The following LRRTM4 variants were observed in gnomAD, a reference collection of about 807,000 sequenced individuals.
LRRTM4 encodes the protein leucine rich repeat transmembrane neuronal 4, also known as leucine-rich repeat transmembrane neuronal protein 4.
A neutral mutation model predicts 47.6 loss-of-function variants in LRRTM4; 25 were observed. The ratio of observed to expected loss-of-function variants is 0.53; its 90% CI spans 0.38 to 0.73. The LOEUF (loss-of-function observed/expected upper bound fraction) is 0.73, where lower values mean the gene tolerates loss of function less well. Among genes scored for constraint, LRRTM4 ranks in the 30% least tolerant of loss-of-function variants. LRRTM4 has a pLI of 0.00. For synonymous variants in LRRTM4, 311 were observed against 269.5 expected, an observed-to-expected ratio of 1.15 and a Z score of -1.51; for missense variants, 638 against 713.4, an observed-to-expected ratio of 0.89 and a Z score of 1.20.
At chr2:77,347,144 A>T (rs1179412435) in intron 3 of LRRTM4, among the ~76,000 whole-genome samples, 6 of 152,168 alleles carry the variant, frequency 3.9e-5, no homozygotes, top group African/African-American at 1.4e-4. Flanking sequence ...TTGACAAAAG[A>T]CCGTAACTCC....
chr2:77,017,042 T>C (rs1287215774), intron 3 of LRRTM4, among the ~76,000 whole-genome samples: 2 of 152,166 alleles, frequency 1.3e-5, no homozygotes, highest in Non-Finnish European at 2.9e-5. Context: ...TTGGGTGTTA[T>C]TCATTTTAAA....
intron 3 of LRRTM4, among the ~76,000 whole-genome samples, chr2:77,289,392 CAT>C (rs1430807068): frequency 2.0e-5 from 3 of 152,042 alleles, no homozygotes; most frequent in African/African-American, 4.8e-5. Flanking sequence ...TCATTAACTA[CAT>C]GTTTATACTT....
At chr2:77,445,590 G>A (rs774463821) in intron 3 of LRRTM4, among the ~76,000 whole-genome samples, 4 of 151,892 alleles carry the variant, frequency 2.6e-5, no homozygotes, top group Non-Finnish European at 5.9e-5. Flanking sequence ...CCTTTACTAA[G>A]CATCAATGAA....
intron 3 of LRRTM4, among the ~76,000 whole-genome samples, chr2:76,933,212 T>C (rs375634954): frequency 3.3e-5 from 5 of 152,104 alleles, no homozygotes; most frequent in African/African-American, 1.2e-4. Context: ...AAAAAATAAA[T>C]GAGTAATCAA....
At chr2:77,164,064 C>G (rs1465747471) in intron 3 of LRRTM4, among the ~76,000 whole-genome samples, 1 of 152,108 alleles carries the variant, frequency 6.6e-6, no homozygotes, top group Non-Finnish European at 1.5e-5. Context: ...TCAGGAGACC[C>G]ATCTCACATG....
chr2:77,179,378 C>T (rs1475012894), intron 3 of LRRTM4, among the ~76,000 whole-genome samples: 1 of 152,160 alleles, frequency 6.6e-6, no homozygotes, highest in Admixed American at 6.6e-5. Flanking sequence ...AATAAATGTA[C>T]TTACAGATGT....
chr2:77,047,695 T>C (rs1679280635), intron 3 of LRRTM4, among the ~76,000 whole-genome samples: 1 of 152,052 alleles, frequency 6.6e-6, no homozygotes, highest in East Asian at 1.9e-4. Flanking sequence ...TATCTTAACA[T>C]ATTACATCGG....
intron 3 of LRRTM4, among the ~76,000 whole-genome samples, chr2:77,216,406 C>T (rs1674440983): frequency 6.6e-6 from 1 of 152,140 alleles, no homozygotes; most frequent in South Asian, 2.1e-4. Flanking sequence ...GTAGCTCACG[C>T]CTGTAATCCC....
At chr2:77,115,333 T>C (rs78344250) in intron 3 of LRRTM4, among the ~76,000 whole-genome samples, 2 of 152,170 alleles carry the variant, frequency 1.3e-5, no homozygotes, top group Non-Finnish European at 2.9e-5. Flanking sequence ...TGGTTTCATA[T>C]TGTTCAAACA....
chr2:76,818,899 A>T (rs1050212671), intron 3 of LRRTM4, among the ~76,000 whole-genome samples: 1 of 151,806 alleles, frequency 6.6e-6, no homozygotes, highest in Non-Finnish European at 1.5e-5. Flanking sequence ...TAGTAAAACC[A>T]GTTTGATTAG....
At chr2:77,387,277 T>C (rs1483153877) in intron 3 of LRRTM4, among the ~76,000 whole-genome samples, 2 of 152,154 alleles carry the variant, frequency 1.3e-5, no homozygotes, top group African/African-American at 4.8e-5. Flanking sequence ...CATACTGATA[T>C]ATATAAGCTT....
chr2:76,820,990 T>C (rs945954906), intron 3 of LRRTM4, among the ~76,000 whole-genome samples: 4 of 151,746 alleles, frequency 2.6e-5, no homozygotes, highest in African/African-American at 9.7e-5. Context: ...AAACTGGTTA[T>C]ATGTTCTGAT....
chr2:77,263,413 C>A (rs554499629), intron 3 of LRRTM4, among the ~76,000 whole-genome samples: 3 of 152,216 alleles, frequency 2.0e-5, no homozygotes, highest in African/African-American at 7.2e-5. Context: ...CCAAGTTGGA[C>A]AGATGTTGTG....
At chr2:77,070,223 C>G (rs2103824864) in intron 3 of LRRTM4, among the ~76,000 whole-genome samples, 1 of 151,890 alleles carries the variant, frequency 6.6e-6, no homozygotes, top group East Asian at 1.9e-4. Flanking sequence ...CTTACAGAGG[C>G]TCAGTCATTT....
chr2:77,311,671 A>G (rs1460180844), intron 3 of LRRTM4, among the ~76,000 whole-genome samples: 7 of 152,198 alleles, frequency 4.6e-5, no homozygotes, highest in Non-Finnish European at 8.8e-5. Context: ...TGCTGATCTG[A>G]AAGCCCATAG....
chr2:77,257,717 A>AACAC lies in LRRTM4; in HGVS notation c.1551+260597_1551+260600dup, dbSNP rs57315997. On this transcript the variant is annotated intron_variant, in intron 3 of 3. Coordinates refer to ENST00000409884, the MANE Select transcript of LRRTM4 (RefSeq NM_001134745.3). Reference sequence around the variant, plus strand: ...AAATTTATAACAAACTTAAAAATACAACACACACACACACACACACACACA... The same window carrying AACAC: ...AAATTTATAACAAACTTAAAAATACAACACACACACACACACACACACACACACA... Among the ~76,000 whole-genome samples, 329 of 146,900 alleles carry AACAC rather than the reference A, an allele frequency of 2.2e-3. 2 individuals carry two copies. Among genetic ancestry groups the AACAC allele is most frequent in the African/African-American group, 3.7e-3 (148 of 40,384 alleles).
intron 3 of LRRTM4, among the ~76,000 whole-genome samples, chr2:76,806,715 TC>T (rs1675986144): frequency 1.3e-5 from 2 of 152,114 alleles, no homozygotes; most frequent in Admixed American, 1.3e-4. Context: ...AAATTTAAAA[TC>T]TACATTTTAG....
At chr2:77,085,104 T>C (rs1229987376) in intron 3 of LRRTM4, among the ~76,000 whole-genome samples, 1 of 152,164 alleles carries the variant, frequency 6.6e-6, no homozygotes, top group Non-Finnish European at 1.5e-5. Context: ...GGAAAAGAAA[T>C]ATTTTTATGT....
intron 3 of LRRTM4, among the ~76,000 whole-genome samples, chr2:77,496,487 T>G (rs1402877914): frequency 1.3e-5 from 2 of 151,848 alleles, no homozygotes; most frequent in Non-Finnish European, 2.9e-5. Flanking sequence ...CTTAGCAGGT[T>G]GAAGAAGTTC....
Sources: gnomAD v4.1 joint callset for allele counts (sites outside exome capture counted in the v4.1 genomes callset) on GRCh38, gnomAD v4.1.1 for gene constraint, MANE v1.5 for transcripts, NCBI Gene and HGNC (gene_info 2026-07-23, HGNC 2026-07-21) for gene names.